Variants in ZNF148 observed in about 807,000 individuals in gnomAD.
ZNF148 encodes Beta-Enolase Repressor Factor-1.
Under a neutral mutation model 67.7 loss-of-function variants are expected in ZNF148, and 7 were observed. The observed-to-expected ratio is 0.10, with a 90% CI of 0.06 to 0.19. The LOEUF is 0.19. Among genes scored for constraint, ZNF148 ranks in the 10% least tolerant of loss-of-function variants. The pLI, the probability that ZNF148 is intolerant of heterozygous loss-of-function variation, is 1.00. For synonymous variants in ZNF148, 333 were observed against 330.7 expected (o/e 1.01, Z -0.08); for missense variants, 583 against 947.1 (o/e 0.62, Z 5.05).
At chr3:125,315,858 C>G (rs926821379) in intron 3 of ZNF148, among the ~76,000 whole-genome samples, 1 of 152,154 alleles carries the variant, frequency 6.6e-6, no homozygotes, top group Non-Finnish European at 1.5e-5. Flanking sequence ...ACCCTTTGAG[C>G]TACAAACAAC....
In ZNF148 at chr3:125,293,901, A is replaced by G. The variant is rs527674498; in HGVS notation, c.334-5673T>C. ...AAATTTTGAGAGAGAGGATATTTAAACGGTCTCAAAGTATCTCCTCCAAGA... is the reference window on the plus strand; with the variant it reads ...AAATTTTGAGAGAGAGGATATTTAAGCGGTCTCAAAGTATCTCCTCCAAGA... On this transcript the variant is annotated intron_variant, in intron 4 of 8. Transcript: ENST00000360647. 4.6e-5 allele frequency among the ~76,000 whole-genome samples: 7 copies of G among 152,304 alleles called. No homozygotes were observed. In the South Asian group the frequency reaches 1.4e-3, roughly 32 times the overall value.
intron 4 of ZNF148, among the ~76,000 whole-genome samples, chr3:125,312,836 A>C (rs531130508): frequency 6.6e-6 from 1 of 152,300 alleles, no homozygotes; most frequent in Non-Finnish European, 1.5e-5. Flanking sequence ...GGAAAGAGTA[A>C]AGGGCTGATA....
chr3:125,229,855 T>C lies in ZNF148; in HGVS notation c.*2486A>G, dbSNP rs1049479958. 6.6e-6 allele frequency: 1 copy of C among 152,500 alleles called. No homozygotes were observed. Among genetic ancestry groups the C allele is most frequent in the African/African-American group, 2.4e-5 (1 of 41,448 alleles). The allele number at this position is 152,500 out of a possible 1,614,324, so 9.4% of individuals were successfully genotyped here. A position where few individuals can be genotyped will look rare whatever the true frequency, so the allele number is the denominator to read the frequency against. Reference sequence around the variant, plus strand: ...TGTTGAGATGTTTGTCATATTATGATAGAACAAGGTAACTCTGGTAGGCAT... The same window carrying C: ...TGTTGAGATGTTTGTCATATTATGACAGAACAAGGTAACTCTGGTAGGCAT... On this transcript the variant is annotated 3_prime_UTR_variant, in exon 9 of 9. Transcript: ENST00000360647.
At chr3:125,370,984 T>C (rs1200316478) in intron 1 of ZNF148, among the ~76,000 whole-genome samples, 2 of 152,074 alleles carry the variant, frequency 1.3e-5, no homozygotes, top group East Asian at 3.8e-4. Context: ...TCTTACCACA[T>C]TTCCCATCTC....
chr3:125,313,622 G>C lies in ZNF148; in HGVS notation c.19C>G (p.Leu7Val), dbSNP rs745767583. Residue 7 changes from leucine to valine, a missense_variant, in exon 4 of 9, where the codon CTG becomes GTG. Physicochemically the swap from Leu to Val is conservative, Grantham distance 32. Around this residue, in one of 5 missense-constraint regions of ZNF148, gnomAD observed 150 missense variants for 202.5 expected, o/e 0.74. Coordinates refer to ENST00000360647, the MANE Select transcript of ZNF148 (RefSeq NM_021964.3). Reference protein sequence around the residue: MNIDDKLEGLFLKCGGI... With the variant: MNIDDKVEGLFLKCGGI... The stretch of plus-strand genomic sequence containing the variant: ...CCACATTTAAGAAACAATCCTTCCA[G>C]TTTGTCGTCAATGTTCATGCTTAAG... 6.2e-7 allele frequency: 1 copy of C among 1,612,742 alleles called. No homozygotes were observed. Among genetic ancestry groups the C allele is most frequent in the Admixed American group, 1.7e-5 (1 of 60,018 alleles).
At chr3:125,261,165 G>A (rs1486993271) in intron 7 of ZNF148, among the ~76,000 whole-genome samples, 5 of 152,184 alleles carry the variant, frequency 3.3e-5, no homozygotes, top group Admixed American at 3.3e-4. Flanking sequence ...CAGCTTTGCT[G>A]TGTAGCCATA....
chr3:125,303,083 C>A (rs572459907), intron 4 of ZNF148, among the ~76,000 whole-genome samples: 1 of 152,098 alleles, frequency 6.6e-6, no homozygotes, highest in Non-Finnish European at 1.5e-5. Context: ...AAGAGCATTA[C>A]GTTGAGTGAA....
At chr3:125,373,299 G>A (rs572432792) in intron 1 of ZNF148, among the ~76,000 whole-genome samples, 11 of 151,052 alleles carry the variant, frequency 7.3e-5, no homozygotes, top group Non-Finnish European at 1.3e-4. Context: ...CCATGTTGGC[G>A]AGGCTGATCT....
Position 125,263,799 on chromosome 3 carries a change from C to T in ZNF148, c.667+13927G>A, listed in dbSNP as rs549394234. On this transcript the variant is annotated intron_variant, in intron 7 of 8. Transcript: ENST00000360647. ...TTTCCTGGGTGATAGAAGCCTCTTTCGTTCTAATGAGGCGATCTTTCTGGG... is the reference window on the plus strand; with the variant it reads ...TTTCCTGGGTGATAGAAGCCTCTTTTGTTCTAATGAGGCGATCTTTCTGGG... 1.8e-4 allele frequency among the ~76,000 whole-genome samples: 16 copies of T among 89,248 alleles called. No homozygotes were observed. In the South Asian group the frequency reaches 4.8e-3, roughly 27 times the overall value. The allele number at this position is 89,248 out of a possible 152,430, so 58.6% of individuals were successfully genotyped here.
At chr3:125,240,622 G>C (rs1414858017) in intron 7 of ZNF148, among the ~76,000 whole-genome samples, 1 of 151,884 alleles carries the variant, frequency 6.6e-6, no homozygotes, top group African/African-American at 2.4e-5. Context: ...AAAATTAGCA[G>C]GGTGTGGTGG....
chr3:125,281,554 T>C (rs1368241588), intron 5 of ZNF148, among the ~76,000 whole-genome samples: 2 of 152,222 alleles, frequency 1.3e-5, no homozygotes, highest in African/African-American at 4.8e-5. Flanking sequence ...GGAAAGGCTT[T>C]GTAAAGAACA....
intron 7 of ZNF148, among the ~76,000 whole-genome samples, chr3:125,257,283 G>A (rs1937128347): frequency 6.6e-6 from 1 of 152,072 alleles, no homozygotes. Context: ...CGGGCACGGT[G>A]GCTCACGCCT....
At chr3:125,313,820 A>G (rs1940353381) in intron 3 of ZNF148, among the ~76,000 whole-genome samples, 164 bp from the exon 4 acceptor site, 1 of 152,182 alleles carries the variant, frequency 6.6e-6, no homozygotes, top group Admixed American at 6.5e-5. Flanking sequence ...ATCGGTTTCC[A>G]AAGGCTGGTA....
chr3:125,359,848 C>T (rs1365940175), intron 1 of ZNF148, among the ~76,000 whole-genome samples: 1 of 152,162 alleles, frequency 6.6e-6, no homozygotes, highest in Non-Finnish European at 1.5e-5. Context: ...TGCCATGGGC[C>T]AAGAGCACAC....
At chr3:125,290,784 A>G (rs1938966910) in intron 4 of ZNF148, among the ~76,000 whole-genome samples, 2 of 152,192 alleles carry the variant, frequency 1.3e-5, no homozygotes, top group Admixed American at 1.3e-4. Context: ...CACCTAATAC[A>G]GACAGCACAT....
At chr3:125,266,200 A>G (rs1186314391) in intron 7 of ZNF148, among the ~76,000 whole-genome samples, 1 of 152,184 alleles carries the variant, frequency 6.6e-6, no homozygotes, top group Non-Finnish European at 1.5e-5. Context: ...ACAAGTGTCT[A>G]ATTTCTCACT....
At chr3:125,238,443 C>T (rs1348264859) in intron 7 of ZNF148, among the ~76,000 whole-genome samples, 1 of 152,004 alleles carries the variant, frequency 6.6e-6, no homozygotes, top group Admixed American at 6.6e-5. Flanking sequence ...GTCTGGCCAA[C>T]ATGGTGAAAC....
intron 1 of ZNF148, among the ~76,000 whole-genome samples, chr3:125,340,761 C>A (rs1014963097): frequency 6.6e-6 from 1 of 151,654 alleles, no homozygotes; most frequent in Non-Finnish European, 1.5e-5. Flanking sequence ...CCGAGGCGGG[C>A]GGATCACGAG....
intron 7 of ZNF148, among the ~76,000 whole-genome samples, chr3:125,266,985 A>G (rs1457948661): frequency 6.6e-6 from 1 of 152,016 alleles, no homozygotes; most frequent in African/African-American, 2.4e-5. Flanking sequence ...ACACCTCCCA[A>G]GATTGAATCA....
Sources: gnomAD v4.1 joint callset for allele counts (sites outside exome capture counted in the v4.1 genomes callset) on GRCh38, gnomAD v4.1.1 for gene constraint, gnomAD v4.1.1 regional missense constraint, MANE v1.5 for transcripts, NCBI Gene and HGNC (gene_info 2026-07-23, HGNC 2026-07-21) for gene names.